Variants in KCND3 observed in about 807,000 individuals in gnomAD.
The protein encoded by KCND3 is A-type voltage-gated potassium channel KCND3.
KCND3 carries 9 observed loss-of-function variants against 51.1 expected under a neutral mutation model. The observed-to-expected ratio is 0.18, with a 90% CI of 0.11 to 0.31. The LOEUF is 0.31. Ranked by LOEUF, KCND3 falls within the 10% of genes least tolerant of loss-of-function variation. KCND3 has a pLI of 1.00. For synonymous variants in KCND3, 349 were observed against 368.0 expected (o/e 0.95, Z 0.59); for missense variants, 526 against 903.8 (o/e 0.58, Z 5.36).
chr1:111,869,889 T>G (rs1198709958), intron 2 of KCND3, among the ~76,000 whole-genome samples: 1 of 140,380 alleles, frequency 7.1e-6, no homozygotes, highest in Non-Finnish European at 1.6e-5. Flanking sequence ...TGTGAAGCTG[T>G]TTTCCAAAAG....
At chr1:111,904,918 C>T (rs867179938) in intron 2 of KCND3, among the ~76,000 whole-genome samples, 37 of 152,282 alleles carry the variant, frequency 2.4e-4, no homozygotes, top group African/African-American at 8.7e-4. Context: ...GCAGGGATCA[C>T]GTCCCTCTGC....
chr1:111,841,161 C>T (rs1667304614), intron 2 of KCND3, among the ~76,000 whole-genome samples: 1 of 152,204 alleles, frequency 6.6e-6, no homozygotes, highest in Admixed American at 6.5e-5. Context: ...TATCACAATT[C>T]CTTTCTGTCC....
chr1:111,905,673 G>A (rs574743004), intron 2 of KCND3, among the ~76,000 whole-genome samples: 3 of 152,268 alleles, frequency 2.0e-5, no homozygotes, highest in East Asian at 3.9e-4. Context: ...TGGGAGTCGC[G>A]TATAAAACCA....
intron 2 of KCND3, among the ~76,000 whole-genome samples, chr1:111,949,359 C>T (rs115927951): frequency 0.017 from 2,514 of 152,186 alleles, 41 homozygotes; most frequent in Non-Finnish European, 0.018. Context: ...TAAAACCCCG[C>T]GGAGGTGCAG....
chr1:111,935,718 CT>C (rs771467950), intron 2 of KCND3, among the ~76,000 whole-genome samples: 3 of 152,226 alleles, frequency 2.0e-5, no homozygotes, highest in Non-Finnish European at 4.4e-5. Flanking sequence ...AGACCTGTCT[CT>C]CCTGCAAATT....
At chr1:111,791,976 A>G (rs1254491722) in intron 2 of KCND3, among the ~76,000 whole-genome samples, 3 of 152,186 alleles carry the variant, frequency 2.0e-5, no homozygotes, top group Non-Finnish European at 4.4e-5. Context: ...AGTGTCTGGA[A>G]AAAGGGAGTG....
rs545051532 is a variant in KCND3 at position 111,781,522 on chromosome 1, T to C, written c.1270-731A>G. Among the ~76,000 whole-genome samples the C allele has an allele frequency of 3.0e-4, 45 of 152,268 alleles. 1 individual carries two copies. The highest frequency in any genetic ancestry group is 1.1e-3 in the African/African-American group (44 of 41,554). ...TTGGGAGTAGATTCATGCATGTATA[T>C]GGTTTTTTTATTTTTTTGAGACGGA... On this transcript the variant is annotated intron_variant, in intron 3 of 7. Coordinates refer to ENST00000302127, the MANE Select transcript of KCND3 (RefSeq NM_001378969.1).
At chr1:111,973,147 A>G (rs896186015) in intron 2 of KCND3, among the ~76,000 whole-genome samples, 3 of 152,234 alleles carry the variant, frequency 2.0e-5, no homozygotes, top group African/African-American at 4.8e-5. Context: ...TTGGCTGATC[A>G]GTTAATATTT....
intron 2 of KCND3, among the ~76,000 whole-genome samples, chr1:111,829,638 A>G (rs963134821): frequency 1.2e-4 from 18 of 151,866 alleles, no homozygotes; most frequent in Non-Finnish European, 2.6e-4. Flanking sequence ...GCCATTATCC[A>G]CTCACCTCCT....
intron 2 of KCND3, among the ~76,000 whole-genome samples, chr1:111,930,065 G>A (rs1303640069): frequency 6.6e-6 from 1 of 152,182 alleles, no homozygotes; most frequent in Non-Finnish European, 1.5e-5. Flanking sequence ...TTTGGGTTAG[G>A]AGAAGAAGCT....
Position 111,934,518 on chromosome 1 carries a change from G to A in KCND3, c.1106+47103C>T, listed in dbSNP as rs866343929. Among the ~76,000 whole-genome samples the A allele has an allele frequency of 1.5e-4, 23 of 152,282 alleles. No homozygotes were observed. The South Asian group carries it at 1.7e-3, about 11-fold the overall frequency. The stretch of plus-strand genomic sequence containing the variant: ...AAAGCGGTTGTCTAAATTAATCCAC[G>A]GGGAATTTGTAAATTAATCCCAGAC... On this transcript the variant is annotated intron_variant, in intron 2 of 7. Transcript: ENST00000302127.
At chr1:111,787,230 C>A (rs1664645857) in intron 2 of KCND3, 124 bp from the exon 3 acceptor site, 1 of 1,020,646 alleles carries the variant, frequency 9.8e-7, no homozygotes, top group Non-Finnish European at 1.5e-6. Flanking sequence ...AGAGTATCTA[C>A]TATGTGCCAG....
chr1:111,863,240 AGACT>A (rs773654737), intron 2 of KCND3, among the ~76,000 whole-genome samples: 20 of 152,264 alleles, frequency 1.3e-4, no homozygotes, highest in Admixed American at 4.6e-4. Context: ...AAGGTCACCC[AGACT>A]GACTAATTAA....
At chr1:111,955,755 A>T (rs1438174326) in intron 2 of KCND3, among the ~76,000 whole-genome samples, 1 of 152,228 alleles carries the variant, frequency 6.6e-6, no homozygotes, top group African/African-American at 2.4e-5. Context: ...TTTTTGAATC[A>T]TATGGATGAA....
intron 2 of KCND3, among the ~76,000 whole-genome samples, chr1:111,804,240 T>C (rs926205210): frequency 2.0e-5 from 3 of 152,256 alleles, no homozygotes; most frequent in Non-Finnish European, 4.4e-5. Flanking sequence ...ATCAGAGCCT[T>C]TCTTTAGCCC....
chr1:111,924,626 C>G (rs1671620468), intron 2 of KCND3, among the ~76,000 whole-genome samples: 1 of 152,154 alleles, frequency 6.6e-6, no homozygotes, highest in African/African-American at 2.4e-5. Flanking sequence ...CTTTGTCAGC[C>G]TGAAGGGCCA....
At chr1:111,886,278 C>T (rs1669569130) in intron 2 of KCND3, among the ~76,000 whole-genome samples, 2 of 152,060 alleles carry the variant, frequency 1.3e-5, no homozygotes, top group Admixed American at 6.5e-5. Flanking sequence ...GGGAAATGGC[C>T]CATTGTACTC....
intron 2 of KCND3, among the ~76,000 whole-genome samples, chr1:111,931,562 C>T (rs1232716411): frequency 3.3e-5 from 5 of 152,146 alleles, no homozygotes; most frequent in Non-Finnish European, 5.9e-5. Context: ...TTACAGGCTG[C>T]GTGTGATTTT....
At chr1:111,795,656 A>C (rs1162872478) in intron 2 of KCND3, among the ~76,000 whole-genome samples, 1 of 152,232 alleles carries the variant, frequency 6.6e-6, no homozygotes, top group Non-Finnish European at 1.5e-5. Flanking sequence ...GAGAAAGAAC[A>C]GCCTCTTTGT....
Sources: allele counts gnomAD v4.1 joint callset (sites outside exome capture counted in the v4.1 genomes callset), GRCh38; gene constraint gnomAD v4.1.1; transcripts MANE v1.5; gene names NCBI Gene and HGNC (gene_info 2026-07-23, HGNC 2026-07-21).